The following PIK3C2G variants were observed in gnomAD, a reference collection of about 807,000 sequenced individuals.
The protein encoded by PIK3C2G is phosphatidylinositol-4-phosphate 3-kinase catalytic subunit type 2 gamma, also known as phosphatidylinositol 3-kinase C2 domain-containing subunit gamma.
A neutral mutation model predicts 181.1 loss-of-function variants in PIK3C2G; 168 were observed. That is an observed-to-expected ratio of 0.93 (90% CI 0.82 to 1.05). PIK3C2G has a LOEUF of 1.05. PIK3C2G is among the 50% of genes least tolerant of loss of function. The probability of loss-of-function intolerance (pLI) is 0.00; values close to 1 mark genes in which losing one functional copy is unlikely to be tolerated. For synonymous variants in PIK3C2G, 573 were observed against 592.2 expected (o/e 0.97, Z 0.47); for missense variants, 1,869 against 1,732.8 (o/e 1.08, Z -1.40).
the PIK3C2G span, chr12:18,692,742 G>A: frequency 1.0e-6 from 1 of 1,002,832 alleles, no homozygotes; most frequent in South Asian, 1.3e-5. Context: ...AATGTTAAAA[G>A]CTCTCCCAGG....
intron 29 of PIK3C2G, among the ~76,000 whole-genome samples, chr12:18,580,827 C>A (rs993054396): frequency 6.6e-6 from 1 of 152,140 alleles, no homozygotes; most frequent in African/African-American, 2.4e-5. Flanking sequence ...TTTAAATTCA[C>A]ATTTTTACAG....
chr12:18,497,955 T>A (rs1022608552), intron 22 of PIK3C2G, among the ~76,000 whole-genome samples: 1 of 152,206 alleles, frequency 6.6e-6, no homozygotes, highest in Non-Finnish European at 1.5e-5. Flanking sequence ...CTTTTAGGTA[T>A]TAATTAGGAC....
At chr12:18,257,224 A>G (rs575045088), upstream of PIK3C2G, among the ~76,000 whole-genome samples, 1 of 152,332 alleles carries the variant, frequency 6.6e-6, no homozygotes, top group South Asian at 2.1e-4. Context: ...GCATGTGACC[A>G]GTTGAAACTC....
chr12:18,410,007 G>GC (rs1211154641), intron 16 of PIK3C2G, among the ~76,000 whole-genome samples: 1 of 151,982 alleles, frequency 6.6e-6, no homozygotes. Context: ...GGGGAAATCT[G>GC]CCCCCATGAG....
intron 13 of PIK3C2G, among the ~76,000 whole-genome samples, chr12:18,379,779 T>C (rs981486098): frequency 2.6e-5 from 4 of 152,168 alleles, no homozygotes; most frequent in Non-Finnish European, 5.9e-5. Flanking sequence ...ACAGGCACCA[T>C]AGACCCTCTT....
chr12:18,600,605 T>G (rs2136535330), intron 30 of PIK3C2G, among the ~76,000 whole-genome samples: 1 of 152,068 alleles, frequency 6.6e-6, no homozygotes, highest in South Asian at 2.1e-4. Flanking sequence ...ACGCAAATAT[T>G]AATACAAAAG....
intron 23 of PIK3C2G, 123 bp from the exon 24 acceptor site, chr12:18,505,169 T>C: frequency 1.4e-6 from 1 of 726,506 alleles, no homozygotes. Flanking sequence ...TCCACTGAGA[T>C]GTAGAAATTT....
intron 15 of PIK3C2G, among the ~76,000 whole-genome samples, chr12:18,391,664 T>C (rs995873046): frequency 6.6e-6 from 1 of 152,148 alleles, no homozygotes; most frequent in Non-Finnish European, 1.5e-5. Context: ...AAGTCTTGTT[T>C]TAACAGCACA....
At position 18,442,415 on chromosome 12, in the gene PIK3C2G, T is replaced by C. The variant is rs1946794228; in HGVS notation, c.2504+18376T>C. On this transcript the variant is annotated intron_variant, in intron 18 of 32. Coordinates refer to ENST00000538779, the MANE Select transcript of PIK3C2G (RefSeq NM_001288772.2). ...TAAGCAATCAAATCTGAAAAGAACA[T>C]TTATAAAGTAATATTGCAATAATGG... Among the ~76,000 whole-genome samples, 3 of 151,622 alleles carry C rather than the reference T, an allele frequency of 2.0e-5. No individual in the cohort carries two copies. The South Asian group carries it at 6.2e-4, about 31-fold the overall frequency.
chr12:18,522,608 C>T (rs1942990184), intron 24 of PIK3C2G, among the ~76,000 whole-genome samples: 1 of 151,166 alleles, frequency 6.6e-6, no homozygotes. Flanking sequence ...TGTTTAAAGT[C>T]ATATTTGTAG....
chr12:18,419,934 T>C (rs1335307333), intron 16 of PIK3C2G, among the ~76,000 whole-genome samples: 1 of 152,134 alleles, frequency 6.6e-6, no homozygotes, highest in Non-Finnish European at 1.5e-5. Context: ...TTAAAGACTT[T>C]ACAGTTTTCT....
At chr12:18,361,228 G>A (rs1208206283) in intron 11 of PIK3C2G, among the ~76,000 whole-genome samples, 2 of 151,862 alleles carry the variant, frequency 1.3e-5, no homozygotes, top group Admixed American at 6.6e-5. Context: ...CTCAGTTATT[G>A]TATCCTTTAG....
chr12:18,712,753 G>A, the PIK3C2G span: 1 of 1,466,526 alleles, frequency 6.8e-7, no homozygotes, highest in Non-Finnish European at 9.5e-7. Flanking sequence ...ATCATCTAAA[G>A]TAAGGCTAAG....
intron 18 of PIK3C2G, among the ~76,000 whole-genome samples, chr12:18,463,414 T>A (rs1455135523): frequency 2.6e-5 from 4 of 152,132 alleles, no homozygotes; most frequent in Admixed American, 6.6e-5. Context: ...CTCTCTGCCA[T>A]AAAGAAATCT....
intron 11 of PIK3C2G, among the ~76,000 whole-genome samples, chr12:18,352,402 C>T (rs141005205): frequency 6.2e-4 from 94 of 152,270 alleles, no homozygotes; most frequent in Non-Finnish European, 1.1e-3. Flanking sequence ...CTCTCAACCC[C>T]TCATGGGAGG....
At chr12:18,720,425 T>G in the PIK3C2G span, among the ~76,000 whole-genome samples, 1 of 151,252 alleles carries the variant, frequency 6.6e-6, no homozygotes, top group Non-Finnish European at 1.5e-5. Flanking sequence ...TCTTTAGTAA[T>G]TAATCTCTGA....
chr12:18,536,945 GC>G (rs1270397307), intron 24 of PIK3C2G, among the ~76,000 whole-genome samples: 3 of 152,142 alleles, frequency 2.0e-5, no homozygotes, highest in Middle Eastern at 3.4e-3. Context: ...TGGTATTCCA[GC>G]CTTTCCTCCA....
At chr12:18,338,672 T>TGC in intron 9 of PIK3C2G, 124 bp downstream of exon 9, 2 of 437,718 alleles carry the variant, frequency 4.6e-6, no homozygotes, top group Non-Finnish European at 7.7e-6. Context: ...TCTGTGTGTG[T>TGC]GTGTGTGTGT....
chr12:18,355,284 G>A (rs1369501483), intron 11 of PIK3C2G, among the ~76,000 whole-genome samples: 1 of 152,208 alleles, frequency 6.6e-6, no homozygotes, highest in Non-Finnish European at 1.5e-5. Flanking sequence ...GCAGTTATCA[G>A]CCAGCAGGGC....
Sources: gnomAD v4.1 joint callset for allele counts (sites outside exome capture counted in the v4.1 genomes callset) on GRCh38, gnomAD v4.1.1 for gene constraint, MANE v1.5 for transcripts, NCBI Gene and HGNC (gene_info 2026-07-23, HGNC 2026-07-21) for gene names.